BRCA2: variants seen among roughly 807,000 people sequenced by gnomAD.
BRCA2 encodes the protein breast cancer type 2 susceptibility protein.
BRCA2 carries 203 observed loss-of-function variants against 276.7 expected under a neutral mutation model. The observed-to-expected ratio is 0.73, with a 90% CI of 0.65 to 0.82. The LOEUF is 0.82. BRCA2 is among the 40% of genes least tolerant of loss of function. BRCA2 has a pLI of 0.00. For synonymous variants in BRCA2, 1,289 were observed against 1,338.4 expected, an observed-to-expected ratio of 0.96 and a Z score of 0.81; for missense variants, 3,920 against 3,915.0, an observed-to-expected ratio of 1.00 and a Z score of -0.03.
At chr13:32,363,067 A>T (rs2072752114) in intron 17 of BRCA2, 112 bp from the exon 18 acceptor site, 1 of 904,414 alleles carries the variant, frequency 1.1e-6, no homozygotes, top group Non-Finnish European at 1.7e-6. Context: ...TTTAATTCTC[A>T]GTATTTCTTA....
At chr13:32,352,833 G>A (rs1465766504) in intron 13 of BRCA2, among the ~76,000 whole-genome samples, 1 of 152,212 alleles carries the variant, frequency 6.6e-6, no homozygotes, top group Admixed American at 6.5e-5. Context: ...AGCAGAGGAG[G>A]TAGAGGGTAG....
At position 32,336,446 on chromosome 13, in the gene BRCA2, AC is replaced by A. The variant is rs80359322; in HGVS notation, c.2092del (p.Leu698TyrfsTer32). 1 of 1,613,800 alleles carries A rather than the reference AC, an allele frequency of 6.2e-7. No homozygotes were observed. The highest frequency in any genetic ancestry group is 1.3e-5 in the African/African-American group (1 of 74,902). ...AAGAAGCAAAATGTAATAAGGAAAAACTACAGTTATTTATTACCCCAGAAGC... is the reference window on the plus strand; with the variant it reads ...AAGAAGCAAAATGTAATAAGGAAAAATACAGTTATTTATTACCCCAGAAGC... ...YKEAKCNKEK[L>X]QLFITPEADS... On this transcript the variant is annotated frameshift_variant, in exon 11 of 27. Coordinates refer to ENST00000380152, the MANE Select transcript of BRCA2 (RefSeq NM_000059.4). LOFTEE classifies it high-confidence loss of function.
chr13:32,368,389 C>G (rs2072801761), intron 18 of BRCA2, among the ~76,000 whole-genome samples: 1 of 152,050 alleles, frequency 6.6e-6, no homozygotes, highest in African/African-American at 2.4e-5. Context: ...TTCAAGAGAC[C>G]TTTATTATTC....
rs779020831 is a variant in BRCA2, at chr13:32,340,125, A to T, written c.5770A>T (p.Ile1924Phe). The change falls in exon 11 of 27, where the codon ATT becomes TTT. Residue 1924 changes from isoleucine to phenylalanine, a missense_variant. By Grantham distance (21) the Ile-to-Phe change is conservative. Coordinates refer to ENST00000380152, the MANE Select transcript of BRCA2 (RefSeq NM_000059.4). ...GCATTCACATAAGGTTTTTGCTGAC[A>T]TTCAGAGTGAAGAAATTTTACAACA... is the stretch of plus-strand genomic sequence containing the variant. ...STHSHKVFAD[I>F]QSEEILQHNQ... 1.2e-6 allele frequency: 2 copies of T among 1,613,378 alleles called. No homozygotes were observed. The highest frequency in any genetic ancestry group is 1.7e-5 in the Admixed American group (1 of 59,916).
chr13:32,376,829 T>C, intron 21 of BRCA2, 38 bp downstream of exon 21: 1 of 1,611,116 alleles, frequency 6.2e-7, no homozygotes, highest in Non-Finnish European at 8.5e-7. Flanking sequence ...GGCTTGATGA[T>C]TATTCAAGGT....
intron 24 of BRCA2, among the ~76,000 whole-genome samples, chr13:32,380,818 G>T (rs758441216): frequency 1.7e-4 from 26 of 152,006 alleles, no homozygotes; most frequent in Non-Finnish European, 3.5e-4. Flanking sequence ...GGGATTACAG[G>T]CGTGAGCCAC....
At chr13:32,368,925 C>T (rs1489119247) in intron 18 of BRCA2, among the ~76,000 whole-genome samples, 1 of 151,852 alleles carries the variant, frequency 6.6e-6, no homozygotes, top group African/African-American at 2.4e-5. Flanking sequence ...ATTCTCCTGC[C>T]TCAGCCTCCC....
Position 32,337,583 on chromosome 13 carries a change from A to G in BRCA2, c.3228A>G (p.Val1076=), listed in dbSNP as rs1566228082. ...TATCTGCACATTTACAGAGTAGTGTAGTTGTTTCTGATTGTAAAAATAGTC... is the reference window on the plus strand; with the variant it reads ...TATCTGCACATTTACAGAGTAGTGTGGTTGTTTCTGATTGTAAAAATAGTC... ...NTVSAHLQSS[V]VVSDCKNSHI... The change falls in exon 11 of 27, where the codon GTA becomes GTG. Residue 1076 remains valine, a synonymous_variant. Transcript: ENST00000380152. 1 of 1,598,148 alleles carries G rather than the reference A, an allele frequency of 6.3e-7. No individual in the cohort carries two copies. The highest frequency in any genetic ancestry group is 1.1e-5 in the South Asian group (1 of 88,228).
intron 12 of BRCA2, among the ~76,000 whole-genome samples, chr13:32,345,125 A>G (rs2072602452): frequency 6.6e-6 from 1 of 151,996 alleles, no homozygotes; most frequent in Non-Finnish European, 1.5e-5. Context: ...GGCAATAAGT[A>G]TTGTCACTTA....
intron 7 of BRCA2, among the ~76,000 whole-genome samples, chr13:32,328,832 T>C (rs1237570485): frequency 2.0e-5 from 3 of 152,164 alleles, no homozygotes; most frequent in Non-Finnish European, 4.4e-5. Flanking sequence ...TGTAAAACTT[T>C]TTTACTTAAC....
intron 17 of BRCA2, 121 bp downstream of exon 17, chr13:32,362,814 C>A: frequency 9.5e-7 from 1 of 1,052,346 alleles, no homozygotes; most frequent in Non-Finnish European, 1.4e-6. Flanking sequence ...GTTGCCATCC[C>A]ACACTGCTGT....
intron 25 of BRCA2, 167 bp from the exon 26 acceptor site, chr13:32,396,731 G>A (rs1221624340): frequency 1.3e-6 from 1 of 772,072 alleles, no homozygotes; most frequent in Non-Finnish European, 2.1e-6. Context: ...CACTGATACT[G>A]GTTTTGTAAT....
chr13:32,393,166 A>G lies in BRCA2; in HGVS notation c.9257-1523A>G, dbSNP rs7318434. ...ATCTGCTGGGTTTCTCCTCTGTACA[A>G]TAACTTCCTTTTTCTTTGTAGTTAA... On this transcript the variant is annotated intron_variant, in intron 24 of 26. Coordinates refer to ENST00000380152, the MANE Select transcript of BRCA2 (RefSeq NM_000059.4). Among the ~76,000 whole-genome samples the G allele has an allele frequency of 9.5e-3, 1,450 of 152,312 alleles. 26 individuals carry two copies. The highest frequency in any genetic ancestry group is 0.034 in the African/African-American group (1,393 of 41,566).
chr13:32,359,803 T>A (rs2137571570), intron 16 of BRCA2, among the ~76,000 whole-genome samples: 1 of 152,362 alleles, frequency 6.6e-6, no homozygotes, highest in Non-Finnish European at 1.5e-5. Flanking sequence ...TAAGTGGAAA[T>A]GTGGAGGCTT....
rs35628833 is a variant in BRCA2, at chr13:32,366,868, CA to C, written c.8331+3351del. On this transcript the variant is annotated intron_variant, in intron 18 of 26. Coordinates refer to ENST00000380152, the MANE Select transcript of BRCA2 (RefSeq NM_000059.4). ...TATTGGTTTCATCTATCAAAAAGAA[CA>C]AAAAAAAAAAAAAAAGGAATAATCC... 0.51 allele frequency among the ~76,000 whole-genome samples: 59,263 copies of C among 115,972 alleles called. 12,369 individuals carry two copies. The highest frequency in any genetic ancestry group is 0.58 in the Middle Eastern group (146 of 252). 76.1% of individuals were successfully genotyped at this position (115,972 alleles called of 152,430 possible).
intron 24 of BRCA2, among the ~76,000 whole-genome samples, chr13:32,383,996 T>G (rs894079433): frequency 9.2e-5 from 14 of 152,190 alleles, no homozygotes; most frequent in Non-Finnish European, 1.9e-4. Context: ...TACTGAAATT[T>G]CCAGGAAACA....
In BRCA2 at chr13:32,379,710, C is replaced by A. The variant is rs1159429127; in HGVS notation, c.8954-40C>A. The A allele has an allele frequency of 1.3e-6, 2 of 1,583,176 alleles. No individual in the cohort carries two copies. Among genetic ancestry groups the A allele is most frequent in the Non-Finnish European group, 8.7e-7 (1 of 1,152,904 alleles). On this transcript the variant is annotated intron_variant, in intron 22 of 26. Coordinates refer to ENST00000380152, the MANE Select transcript of BRCA2 (RefSeq NM_000059.4). ...TTGAAACAAACATTTAAATGATAAT[C>A]ACTTCTTCCATTGCATCTTTCTCAT...
intron 2 of BRCA2, among the ~76,000 whole-genome samples, 178 bp downstream of exon 2, chr13:32,316,705 A>G (rs1251467368): frequency 6.6e-6 from 1 of 152,178 alleles, no homozygotes; most frequent in Non-Finnish European, 1.5e-5. Context: ...TGATAAATAT[A>G]GAACGTCTAG....
rs144192844 is a variant in BRCA2, at chr13:32,336,348, A to G, written c.1993A>G (p.Thr665Ala). 3.7e-6 allele frequency: 6 copies of G among 1,608,024 alleles called. No individual in the cohort carries two copies. In the African/African-American group the frequency reaches 4.0e-5, roughly 11 times the overall value. Reference sequence around the variant, plus strand: ...TTTGTCCTTAACTAGCTCTTTTGGGACAATTCTGAGGAAATGTTCTAGAAA... The same window carrying G: ...TTTGTCCTTAACTAGCTCTTTTGGGGCAATTCTGAGGAAATGTTCTAGAAA... Reference protein sequence around the residue: ...PTLSLTSSFGTILRKCSRNET... With the variant: ...PTLSLTSSFGAILRKCSRNET... Residue 665 changes from threonine to alanine, a missense_variant, in exon 11 of 27, where the codon ACA becomes GCA. Around this residue, in one of 2 missense-constraint regions of BRCA2, gnomAD observed 3,263 missense variants for 3,156.9 expected, o/e 1.03. Coordinates refer to ENST00000380152, the MANE Select transcript of BRCA2 (RefSeq NM_000059.4).
Sources: allele counts gnomAD v4.1 joint callset (sites outside exome capture counted in the v4.1 genomes callset), GRCh38; gene constraint gnomAD v4.1.1; regional missense constraint gnomAD v4.1.1; transcripts MANE v1.5; gene names NCBI Gene and HGNC (gene_info 2026-07-23, HGNC 2026-07-21).